IDUA: variants seen among roughly 807,000 people sequenced by gnomAD.
The protein encoded by IDUA is iduronidase alpha-L-.
Under a neutral mutation model 68.9 loss-of-function variants are expected in IDUA, and 65 were observed. That is an observed-to-expected ratio of 0.94 (90% CI 0.77 to 1.16). The LOEUF (loss-of-function observed/expected upper bound fraction) is 1.16, where lower values mean the gene tolerates loss of function less well. IDUA is among the 50% of genes most tolerant of loss of function. IDUA has a pLI of 0.00. For synonymous variants in IDUA, 529 were observed against 433.6 expected (o/e 1.22, Z -2.73); for missense variants, 1,046 against 938.0 (o/e 1.12, Z -1.50).
At chr4:988,055 G>A (rs904496238) in intron 2 of IDUA, 106 bp downstream of exon 2, 75 of 1,475,560 alleles carry the variant, frequency 5.1e-5, no homozygotes, top group Non-Finnish European at 6.4e-5. Context: ...CCCACCTCCC[G>A]CCGAAGCACC....
chr4:1,003,776 C>G, intron 12 of IDUA, 151 bp downstream of exon 12: 2 of 904,694 alleles, frequency 2.2e-6, no homozygotes, highest in Non-Finnish European at 3.5e-6. Flanking sequence ...ACCCCACACA[C>G]TGTGGGCCAC....
chr4:1,001,193 G>C, intron 4 of IDUA: 2 of 620,500 alleles, frequency 3.2e-6, no homozygotes, highest in Non-Finnish European at 5.7e-6. Context: ...TCCTGGGCTT[G>C]GTGGGTGGGC....
At chr4:992,047 G>T in intron 2 of IDUA, 2 of 576,218 alleles carry the variant, frequency 3.5e-6, no homozygotes, top group Non-Finnish European at 3.3e-6. Context: ...CCGGCCTATT[G>T]GCTCTGCGGT....
intron 3 of IDUA, 70 bp from the exon 4 acceptor site, chr4:1,000,812 C>T (rs940464739): frequency 2.6e-5 from 39 of 1,512,072 alleles, no homozygotes; most frequent in African/African-American, 1.2e-4. Context: ...GCCTTGGTGC[C>T]GGAGCACAGG....
rs1240397905 is a variant in IDUA at position 1,002,562 on chromosome 4, G to C, written c.1189+77G>C. 5 of 1,328,284 alleles carry C rather than the reference G, an allele frequency of 3.8e-6. No homozygotes were observed. The African/African-American group carries it at 4.7e-5, about 12-fold the overall frequency. The allele number at this position is 1,328,284 out of a possible 1,614,324, so 82.3% of individuals were successfully genotyped here. A position where few individuals can be genotyped will look rare whatever the true frequency, so the allele number is the denominator to read the frequency against. On this transcript the variant is annotated intron_variant, in intron 8 of 13. Coordinates refer to ENST00000514224, the MANE Select transcript of IDUA (RefSeq NM_000203.5). Reference sequence around the variant, plus strand: ...CGGCTCCTGCGAAGGCCCCGCTGCGGGGAGCGCACTTCCTCCAGCCGCGCG... The same window carrying C: ...CGGCTCCTGCGAAGGCCCCGCTGCGCGGAGCGCACTTCCTCCAGCCGCGCG...
chr4:987,978 C>T (rs1051666603), intron 2 of IDUA, 29 bp downstream of exon 2: 1 of 1,548,218 alleles, frequency 6.5e-7, no homozygotes. Flanking sequence ...CTGGGCGTCC[C>T]AGAGCCCCTT....
intron 2 of IDUA, chr4:991,054 T>A (rs1714257284): frequency 2.8e-6 from 4 of 1,415,670 alleles, no homozygotes; most frequent in Non-Finnish European, 3.8e-6. Context: ...GCCCCCAGCC[T>A]TGCCCTCGTG....
Position 989,663 on chromosome 4 carries a change from C to A in IDUA, c.299+1714C>A, listed in dbSNP as rs1252784230. 3 of 1,579,192 alleles carry A rather than the reference C, an allele frequency of 1.9e-6. No homozygotes were observed. In the Admixed American group the frequency reaches 5.5e-5, roughly 29 times the overall value. ...AACAGCGGTGCCAGCGCCAGCAGCA[C>A]CAGCAGCACCACGGTGGCGCTGACC... On this transcript the variant is annotated intron_variant, in intron 2 of 13. Transcript: ENST00000514224.
intron 2 of IDUA, among the ~76,000 whole-genome samples, chr4:996,899 G>A (rs1714771483): frequency 6.6e-6 from 1 of 152,126 alleles, no homozygotes; most frequent in Admixed American, 6.5e-5. Context: ...TTCCTTCCCC[G>A]CTTGGCCCAC....
chr4:1,001,272 CCCTATCACCCAGGCCGCCG>C, intron 4 of IDUA, 177 bp from the exon 5 acceptor site: 1 of 651,680 alleles, frequency 1.5e-6, no homozygotes, highest in South Asian at 1.8e-5. Flanking sequence ...CAGGCCGCAC[CCCTATCACCCAGGCCGCCG>C]CCCAGGTCTT....
At chr4:998,984 C>G (rs1194919272) in intron 2 of IDUA, among the ~76,000 whole-genome samples, 4 of 152,158 alleles carry the variant, frequency 2.6e-5, no homozygotes, top group East Asian at 3.9e-4. Context: ...GTGGGCGGAT[C>G]ACGAGGTCAG....
At chr4:994,338 T>G (rs530022845) in intron 2 of IDUA, among the ~76,000 whole-genome samples, 2 of 151,776 alleles carry the variant, frequency 1.3e-5, no homozygotes, top group East Asian at 3.9e-4. Context: ...TGCAGTGGTG[T>G]GATCTCGGCT....
In IDUA at chr4:990,080, G is replaced by A. The variant is rs201572215; in HGVS notation, c.299+2131G>A. ...TCCGTGGGCAGCGGCACCCTCAGGC[G>A]GTGTCGGTAGCGGTCTGAGAGCTCC... On this transcript the variant is annotated intron_variant, in intron 2 of 13. Coordinates refer to ENST00000514224, the MANE Select transcript of IDUA (RefSeq NM_000203.5). 425 of 1,599,820 alleles carry A rather than the reference G, an allele frequency of 2.7e-4. No individual in the cohort carries two copies. Among genetic ancestry groups the A allele is most frequent in the Non-Finnish European group, 1.4e-4 (167 of 1,175,304 alleles).
chr4:991,093 T>C (rs1351128102), intron 2 of IDUA: 8 of 1,512,798 alleles, frequency 5.3e-6, no homozygotes, highest in South Asian at 1.3e-5. Flanking sequence ...GGGGGTGCCC[T>C]GGGCCCCTCC....
chr4:997,615 C>T (rs975961778), intron 2 of IDUA, among the ~76,000 whole-genome samples: 62 of 152,232 alleles, frequency 4.1e-4, no homozygotes, highest in African/African-American at 1.4e-3. Flanking sequence ...GACGCGCCCC[C>T]GCGGCTTCCG....
chr4:991,379 T>G lies in IDUA; in HGVS notation c.299+3430T>G, dbSNP rs1714305372. 3.1e-6 allele frequency: 5 copies of G among 1,612,704 alleles called. No individual in the cohort carries two copies. The South Asian group carries it at 5.5e-5, about 18-fold the overall frequency. On this transcript the variant is annotated intron_variant, in intron 2 of 13. Transcript: ENST00000514224. The stretch of plus-strand genomic sequence containing the variant: ...GTGCCCATGAGGAAGTAGATGAGGT[T>G]GGCGAAGAAGGACGTATAGAGGCTG...
chr4:990,387 A>C, intron 2 of IDUA: 1 of 1,557,806 alleles, frequency 6.4e-7, no homozygotes, highest in Non-Finnish European at 8.7e-7. Context: ...CGGTCAGGCC[A>C]GCAGGCGCCT....
chr4:987,352 C>T (rs2153015327), intron 1 of IDUA, 110 bp downstream of exon 1: 4 of 1,088,210 alleles, frequency 3.7e-6, no homozygotes, highest in East Asian at 3.0e-5. Context: ...CCTCTGGGGC[C>T]CTGGCTCTCC....
intron 2 of IDUA, among the ~76,000 whole-genome samples, chr4:997,602 G>A (rs192180986): frequency 1.3e-5 from 2 of 152,114 alleles, no homozygotes; most frequent in Admixed American, 6.5e-5. Flanking sequence ...GTCTACAAGG[G>A]CTGACGCGCC....
Sources: allele counts gnomAD v4.1 joint callset (sites outside exome capture counted in the v4.1 genomes callset), GRCh38; gene constraint gnomAD v4.1.1; transcripts MANE v1.5; gene names NCBI Gene and HGNC (gene_info 2026-07-23, HGNC 2026-07-21).